The following ZNF438 variants were observed in gnomAD, a reference collection of about 807,000 sequenced individuals.
ZNF438 encodes zinc finger protein 438.
A neutral mutation model predicts 38.0 loss-of-function variants in ZNF438; 25 were observed. The ratio of observed to expected loss-of-function variants is 0.66; its 90% confidence interval spans 0.48 to 0.92. The LOEUF (loss-of-function observed/expected upper bound fraction) is 0.92, where lower values mean the gene tolerates loss of function less well. ZNF438 is among the 40% of genes least tolerant of loss of function. The probability of loss-of-function intolerance (pLI) is 0.00; values close to 1 mark genes in which losing one functional copy is unlikely to be tolerated. For missense variants in ZNF438, 1,007 were observed against 999.6 expected (o/e 1.01, Z -0.10); for synonymous variants, 372 against 364.1 (o/e 1.02, Z -0.25).
chr10:30,863,397 C>T (rs1237220570), intron 4 of ZNF438, among the ~76,000 whole-genome samples: 1 of 152,192 alleles, frequency 6.6e-6, no homozygotes, highest in Non-Finnish European at 1.5e-5. Flanking sequence ...AGTTAGCTGG[C>T]ATCTACAGAT....
chr10:30,942,857 T>G (rs1195670676), intron 1 of ZNF438, among the ~76,000 whole-genome samples: 1 of 152,248 alleles, frequency 6.6e-6, no homozygotes, highest in Non-Finnish European at 1.5e-5. Context: ...AGAAGAGGCC[T>G]TCCACAAAAT....
intron 1 of ZNF438, among the ~76,000 whole-genome samples, chr10:30,974,701 A>T (rs1223483073): frequency 6.6e-6 from 1 of 152,202 alleles, no homozygotes; most frequent in East Asian, 1.9e-4. Context: ...ACTTTACAAA[A>T]TGAAATTAAA....
At chr10:30,884,026 T>C (rs2039625655) in intron 3 of ZNF438, among the ~76,000 whole-genome samples, 1 of 152,218 alleles carries the variant, frequency 6.6e-6, no homozygotes, top group Admixed American at 6.5e-5. Context: ...TTCCTTTTTA[T>C]GCTTATAAAG....
At chr10:30,903,668 G>A (rs967755071) in intron 3 of ZNF438, among the ~76,000 whole-genome samples, 3 of 152,126 alleles carry the variant, frequency 2.0e-5, no homozygotes, top group African/African-American at 7.2e-5. Flanking sequence ...TACTGCTTGA[G>A]GTTGAGCCTT....
intron 3 of ZNF438, among the ~76,000 whole-genome samples, chr10:30,882,676 C>A (rs1463438790): frequency 6.6e-6 from 1 of 152,072 alleles, no homozygotes; most frequent in Non-Finnish European, 1.5e-5. Flanking sequence ...TGCCTGGGGA[C>A]AGGGGAGACA....
At chr10:31,012,676 A>G (rs1731299243) in intron 1 of ZNF438, among the ~76,000 whole-genome samples, 1 of 152,066 alleles carries the variant, frequency 6.6e-6, no homozygotes, top group South Asian at 2.1e-4. Context: ...AAATCTGTTA[A>G]GCTCTGGTCT....
At chr10:30,878,629 C>T (rs922103358) in intron 3 of ZNF438, among the ~76,000 whole-genome samples, 3 of 152,162 alleles carry the variant, frequency 2.0e-5, no homozygotes, top group African/African-American at 7.2e-5. Context: ...AGACACCCCA[C>T]ATGACAAGAC....
In ZNF438 at chr10:31,015,501, G is replaced by A. The variant is rs139828926; in HGVS notation, c.-192+16332C>T. ...TCTACTAAAAATACAAAAATTAGCC[G>A]GACGTAGTGGTGTATGCCTGCAATC... On this transcript the variant is annotated intron_variant, in intron 1 of 5. Coordinates refer to ENST00000413025, the Ensembl canonical transcript of ZNF438. 3.7e-3 allele frequency among the ~76,000 whole-genome samples: 558 copies of A among 152,076 alleles called. 7 individuals carry two copies. The highest frequency in any genetic ancestry group is 0.012 in the African/African-American group (511 of 41,488).
At chr10:30,996,219 T>C (rs1302282257) in intron 1 of ZNF438, among the ~76,000 whole-genome samples, 1 of 151,966 alleles carries the variant, frequency 6.6e-6, no homozygotes, top group African/African-American at 2.4e-5. Context: ...GAAAACAAAA[T>C]TCGTAACTGC....
intron 1 of ZNF438, among the ~76,000 whole-genome samples, chr10:30,970,105 TACACACACACACACACAC>T (rs55745286): frequency 6.9e-6 from 1 of 145,118 alleles, no homozygotes; most frequent in Non-Finnish European, 1.5e-5. Context: ...TGCTGGCTGA[TACACACACACACACACAC>T]ACACACACAC....
At chr10:30,932,671 A>G (rs1413404251) in intron 2 of ZNF438, among the ~76,000 whole-genome samples, 1 of 152,208 alleles carries the variant, frequency 6.6e-6, no homozygotes, top group Non-Finnish European at 1.5e-5. Flanking sequence ...GCCATCAGTT[A>G]TGGGTTGAAT....
intron 1 of ZNF438, among the ~76,000 whole-genome samples, chr10:30,997,085 T>C (rs1033885157): frequency 1.3e-5 from 2 of 152,042 alleles, no homozygotes; most frequent in Non-Finnish European, 2.9e-5. Flanking sequence ...ATGCCTATAT[T>C]AAAAAAGAAA....
intron 1 of ZNF438, among the ~76,000 whole-genome samples, chr10:31,012,206 C>T (rs1057172709): frequency 2.6e-5 from 4 of 151,498 alleles, no homozygotes; most frequent in Admixed American, 2.6e-4. Context: ...CCACTGCAAG[C>T]TCCACCTCCT....
intron 1 of ZNF438, among the ~76,000 whole-genome samples, chr10:30,945,731 C>T (rs1179102647): frequency 6.2e-5 from 8 of 129,888 alleles, no homozygotes; most frequent in Non-Finnish European, 6.4e-5. Context: ...AGGACGTGAA[C>T]TCATCATTTT....
At chr10:31,018,454 C>G (rs2056363423) in intron 1 of ZNF438, among the ~76,000 whole-genome samples, 1 of 152,174 alleles carries the variant, frequency 6.6e-6, no homozygotes, top group African/African-American at 2.4e-5. Flanking sequence ...TAACTCTCTT[C>G]CAAGTTATTA....
intron 1 of ZNF438, among the ~76,000 whole-genome samples, chr10:30,979,375 C>G (rs186140840): frequency 6.6e-6 from 1 of 152,320 alleles, no homozygotes; most frequent in East Asian, 1.9e-4. Context: ...CCCCATCAAG[C>G]TACCACTGCC....
exon 6 of ZNF438, chr10:30,844,690 C>T (rs1166489254): frequency 5.7e-6 from 2 of 351,678 alleles, no homozygotes; most frequent in African/African-American, 2.1e-5. Context: ...TTTCAATCTT[C>T]AAATTTTGAT....
rs2046426498 is a variant in ZNF438, at chr10:30,937,998, G to C, written c.-115+3577C>G. Among the ~76,000 whole-genome samples the C allele has an allele frequency of 2.6e-5, 4 of 152,038 alleles. 1 individual carries two copies. The Middle Eastern group carries it at 0.014, about 517-fold the overall frequency. Reference sequence around the variant, plus strand: ...CCTGGATGATATCAGAACCACGAGGGGAGCTTTAAAAAACAAACAGGTTTA... The same window carrying C: ...CCTGGATGATATCAGAACCACGAGGCGAGCTTTAAAAAACAAACAGGTTTA... On this transcript the variant is annotated intron_variant, in intron 2 of 5. Coordinates refer to ENST00000413025, the Ensembl canonical transcript of ZNF438.
intron 1 of ZNF438, among the ~76,000 whole-genome samples, chr10:30,991,780 G>C (rs2053529312): frequency 6.6e-6 from 1 of 152,174 alleles, no homozygotes; most frequent in East Asian, 1.9e-4. Context: ...ACAGAGGTCA[G>C]GAAGGCTGTG....
Sources: allele counts gnomAD v4.1 joint callset (sites outside exome capture counted in the v4.1 genomes callset), GRCh38; gene constraint gnomAD v4.1.1; transcripts MANE v1.5; gene names NCBI Gene and HGNC (gene_info 2026-07-23, HGNC 2026-07-21).